Variants in MLIP observed in about 807,000 individuals in gnomAD.
MLIP encodes the protein muscular LMNA interacting protein.
MLIP carries 79 observed loss-of-function variants against 84.8 expected under a neutral mutation model. The observed-to-expected ratio is 0.93, with a 90% CI of 0.78 to 1.12. MLIP has a LOEUF of 1.12. Among genes scored for constraint, MLIP ranks in the 50% most tolerant of loss-of-function variants. MLIP has a pLI of 0.00. For missense variants in MLIP, 1,257 were observed against 1,160.6 expected (o/e 1.08, Z -1.21); for synonymous variants, 504 against 463.0 (o/e 1.09, Z -1.14).
chr6:54,158,131 G>A (rs1774233444), intron 5 of MLIP, among the ~76,000 whole-genome samples: 1 of 152,088 alleles, frequency 6.6e-6, no homozygotes, highest in East Asian at 1.9e-4. Context: ...TCTGGATGGA[G>A]ATCCCTGGTT....
At chr6:54,110,035 T>A (rs1220626872), upstream of MLIP, among the ~76,000 whole-genome samples, 1 of 148,838 alleles carries the variant, frequency 6.7e-6, no homozygotes, top group Non-Finnish European at 1.5e-5. Context: ...CAGGCTGTAG[T>A]GCAGTGGCGC....
At chr6:54,097,676 G>A (rs1768311834) in intron 1 of MLIP, among the ~76,000 whole-genome samples, 1 of 152,146 alleles carries the variant, frequency 6.6e-6, no homozygotes, top group Admixed American at 6.5e-5. Context: ...TATTTAGTTG[G>A]AGGTTAATAT....
chr6:54,133,872 G>C (rs532254784), intron 3 of MLIP, among the ~76,000 whole-genome samples: 1 of 152,260 alleles, frequency 6.6e-6, no homozygotes, highest in Non-Finnish European at 1.5e-5. Flanking sequence ...ACTTTAGAGA[G>C]AGTGTATGGC....
intron 10 of MLIP, among the ~76,000 whole-genome samples, chr6:54,195,601 T>G (rs139711842): frequency 6.6e-6 from 1 of 152,078 alleles, no homozygotes; most frequent in Non-Finnish European, 1.5e-5. Flanking sequence ...ATAGTATCTA[T>G]TTACATAGTG....
At chr6:54,167,171 C>A (rs1418223926) in intron 8 of MLIP, among the ~76,000 whole-genome samples, 2 of 151,904 alleles carry the variant, frequency 1.3e-5, no homozygotes, top group African/African-American at 4.8e-5. Flanking sequence ...CGCAGAAAAC[C>A]TTTTAAAGCT....
At chr6:54,253,827 A>G (rs1262215855) in intron 12 of MLIP, among the ~76,000 whole-genome samples, 1 of 152,154 alleles carries the variant, frequency 6.6e-6, no homozygotes, top group Non-Finnish European at 1.5e-5. Flanking sequence ...TGGTGAGTGA[A>G]CAAAGGTTGG....
intron 1 of MLIP, among the ~76,000 whole-genome samples, chr6:54,053,105 G>C (rs1216330000): frequency 1.3e-5 from 2 of 152,204 alleles, no homozygotes; most frequent in Admixed American, 1.3e-4. Flanking sequence ...CTAAGACTAA[G>C]AGCAGTGATA....
intron 1 of MLIP, among the ~76,000 whole-genome samples, chr6:54,026,515 T>C (rs768023683): frequency 6.6e-6 from 1 of 152,092 alleles, no homozygotes; most frequent in Non-Finnish European, 1.5e-5. Context: ...GCAAGAAATT[T>C]TAAAAAGAGA....
At chr6:54,257,442 T>C in intron 13 of MLIP, 81 bp downstream of exon 13, 1 of 1,083,726 alleles carries the variant, frequency 9.2e-7, no homozygotes, top group South Asian at 1.4e-5. Context: ...TTTTTTAATG[T>C]TAACAAAATT....
rs577104576 is a variant in MLIP, at chr6:54,102,829, C to A, written c.64-18618C>A. ...TGGCATTTATGTTCCAACTGGGGAG[C>A]CAGACACTAAATAATTCACTGTATA... is the stretch of plus-strand genomic sequence containing the variant. On this transcript the variant is annotated intron_variant, in intron 1 of 12. Coordinates refer to the MLIP transcript ENST00000274897. 7.9e-5 allele frequency among the ~76,000 whole-genome samples: 12 copies of A among 152,166 alleles called. No homozygotes were observed. In the South Asian group the frequency reaches 2.5e-3, roughly 32 times the overall value.
chr6:54,253,166 C>T (rs1273205313), intron 12 of MLIP, among the ~76,000 whole-genome samples: 1 of 152,086 alleles, frequency 6.6e-6, no homozygotes, highest in Non-Finnish European at 1.5e-5. Flanking sequence ...GTAATGACAA[C>T]ATTAGACTTA....
At chr6:54,237,295 G>A (rs1336196272) in intron 12 of MLIP, among the ~76,000 whole-genome samples, 1 of 151,808 alleles carries the variant, frequency 6.6e-6, no homozygotes, top group Admixed American at 6.6e-5. Flanking sequence ...GGGTGGAGGA[G>A]GGAAATTCTG....
At chr6:54,193,790 G>A (rs1396390970) in intron 10 of MLIP, among the ~76,000 whole-genome samples, 1 of 152,128 alleles carries the variant, frequency 6.6e-6, no homozygotes, top group Non-Finnish European at 1.5e-5. Flanking sequence ...GGAAAGGAAA[G>A]ATCTAGGGTC....
intron 11 of MLIP, among the ~76,000 whole-genome samples, chr6:54,210,426 T>G (rs1212060532): frequency 6.6e-6 from 1 of 152,220 alleles, no homozygotes; most frequent in Non-Finnish European, 1.5e-5. Flanking sequence ...TAAGCCAAAA[T>G]AATCCTAAAA....
At chr6:54,164,278 G>A (rs779290648) in intron 8 of MLIP, among the ~76,000 whole-genome samples, 6 of 151,622 alleles carry the variant, frequency 4.0e-5, no homozygotes, top group African/African-American at 9.7e-5. Flanking sequence ...TACTGATTTT[G>A]TCACTTTTGA....
At chr6:54,264,005 A>G (rs1039041764) in intron 13 of MLIP, among the ~76,000 whole-genome samples, 2 of 152,088 alleles carry the variant, frequency 1.3e-5, no homozygotes, top group Non-Finnish European at 2.9e-5. Flanking sequence ...TAAAAACTTC[A>G]CAAAGTGTCT....
intron 1 of MLIP, among the ~76,000 whole-genome samples, chr6:54,070,147 T>C (rs1766395462): frequency 6.6e-6 from 1 of 152,216 alleles, no homozygotes; most frequent in Non-Finnish European, 1.5e-5. Context: ...ATGTGGGCCA[T>C]TGCTGATACC....
At chr6:54,094,537 G>T (rs1009542318) in intron 1 of MLIP, among the ~76,000 whole-genome samples, 28 of 151,348 alleles carry the variant, frequency 1.9e-4, no homozygotes, top group African/African-American at 5.8e-4. Flanking sequence ...AGTCCTGGCA[G>T]TTTTCCCATA....
intron 1 of MLIP, among the ~76,000 whole-genome samples, chr6:54,036,310 C>T (rs1371473523): frequency 6.7e-6 from 1 of 148,458 alleles, no homozygotes; most frequent in Admixed American, 6.8e-5. Flanking sequence ...GATACAAAAT[C>T]AATGTGCAAA....
Sources: allele counts gnomAD v4.1 joint callset (sites outside exome capture counted in the v4.1 genomes callset), GRCh38; gene constraint gnomAD v4.1.1; transcripts MANE v1.5; gene names NCBI Gene and HGNC (gene_info 2026-07-23, HGNC 2026-07-21).